The following PI4KB variants were observed in gnomAD, a reference collection of about 807,000 sequenced individuals.
PI4KB encodes the protein phosphatidylinositol 4-kinase beta.
Under a neutral mutation model 81.4 loss-of-function variants are expected in PI4KB, and 23 were observed. The ratio of observed to expected loss-of-function variants is 0.28; its 90% confidence interval spans 0.20 to 0.40. The LOEUF (loss-of-function observed/expected upper bound fraction) is 0.40. Among genes scored for constraint, PI4KB ranks in the 10% least tolerant of loss-of-function variants. The pLI, the probability that PI4KB is intolerant of heterozygous loss-of-function variation, is 1.00. For missense variants in PI4KB, 651 were observed against 1,036.6 expected (o/e 0.63, Z 5.11); for synonymous variants, 381 against 406.8 (o/e 0.94, Z 0.76).
intron 9 of PI4KB, 95 bp downstream of exon 9, chr1:151,298,713 G>A: frequency 1.6e-6 from 2 of 1,267,156 alleles, no homozygotes; most frequent in Admixed American, 1.9e-5. Context: ...TCACATCTTT[G>A]CCATGGAGGG....
chr1:151,308,432 A>G (rs936734888), intron 3 of PI4KB, among the ~76,000 whole-genome samples: 1 of 152,228 alleles, frequency 6.6e-6, no homozygotes, highest in Non-Finnish European at 1.5e-5. Flanking sequence ...CGATGAGCAG[A>G]CTTTGCATTA....
intron 1 of PI4KB, among the ~76,000 whole-genome samples, chr1:151,318,179 G>A (rs1464276224): frequency 2.6e-5 from 4 of 152,030 alleles, no homozygotes; most frequent in Non-Finnish European, 5.9e-5. Flanking sequence ...AGCACTTTGG[G>A]AGGCCGAGGT....
intron 1 of PI4KB, among the ~76,000 whole-genome samples, chr1:151,318,646 AGGTTGT>A (rs1361190112): frequency 1.3e-5 from 2 of 152,084 alleles, no homozygotes; most frequent in Non-Finnish European, 2.9e-5. Flanking sequence ...CGGGAGGCAG[AGGTTGT>A]GGTGAGCCGA....
At chr1:151,316,634 C>T (rs1182639406) in intron 1 of PI4KB, 125 bp from the exon 2 acceptor site, 1 of 597,896 alleles carries the variant, frequency 1.7e-6, no homozygotes, top group African/African-American at 1.9e-5. Flanking sequence ...TTTTGTCTTC[C>T]TGGACTCCTT....
chr1:151,315,547 G>A (rs371106099), intron 2 of PI4KB, 26 bp downstream of exon 2: 2 of 1,552,008 alleles, frequency 1.3e-6, no homozygotes, highest in African/African-American at 1.4e-5. Flanking sequence ...ACCACCTTTT[G>A]TCTCTGGCCC....
chr1:151,294,190 G>T, intron 10 of PI4KB, 52 bp from the exon 11 acceptor site: 1 of 1,577,582 alleles, frequency 6.3e-7, no homozygotes, highest in Non-Finnish European at 8.6e-7. Flanking sequence ...ACCGGGGATG[G>T]TCCCTGTCCT....
chr1:151,316,136 C>T lies in PI4KB; in HGVS notation c.346G>A (p.Ala116Thr). ...AAVASGTAKGARRRRQNNSAK... is the reference protein window; with the variant it reads ...AAVASGTAKGTRRRRQNNSAK... ...GAGTTGTTCTGCCGCCGTCTTCTTG[C>T]TCCTTTGGCTGTGCCTGAGGCCACA... Residue 116 changes from alanine (A) to threonine (T), a missense_variant, in exon 2 of 12, where the codon GCA becomes ACA. Physicochemically the swap from Ala to Thr is moderately conservative, Grantham distance 58. Around this residue, in one of 5 missense-constraint regions of PI4KB, gnomAD observed 314 missense variants for 397.8 expected, o/e 0.79. Coordinates refer to ENST00000368873, the MANE Select transcript of PI4KB (RefSeq NM_001369623.2). 1 of 1,614,098 alleles carries T rather than the reference C, an allele frequency of 6.2e-7. No individual in the cohort carries two copies. The highest frequency in any genetic ancestry group is 8.5e-7 in the Non-Finnish European group (1 of 1,180,000).
At chr1:151,306,633 A>C (rs1168071536) in intron 4 of PI4KB, among the ~76,000 whole-genome samples, 1 of 152,168 alleles carries the variant, frequency 6.6e-6, no homozygotes, top group Non-Finnish European at 1.5e-5. Context: ...AAACCACTCT[A>C]GACTATCAAT....
Position 151,307,612 on chromosome 1 carries a change from G to A in PI4KB, c.1144C>T (p.Pro382Ser). 1 of 1,614,048 alleles carries A rather than the reference G, an allele frequency of 6.2e-7. No individual in the cohort carries two copies. Among genetic ancestry groups the A allele is most frequent in the Non-Finnish European group, 8.5e-7 (1 of 1,179,942 alleles). The change falls in exon 4 of 12, where the codon CCC (proline) becomes TCC (serine). Residue 382 changes from proline to serine, a missense_variant. Transcript: ENST00000368873. ...AGFDHHVVRV[P>S]HTQAVVLNSK... is the part of the protein sequence containing the mutation. ...TTGAGGACAACAGCCTGTGTGTGGG[G>A]TACACGGACCACGTGGTGGTCAAAG...
intron 7 of PI4KB, 36 bp downstream of exon 7, chr1:151,302,158 C>T: frequency 6.4e-7 from 1 of 1,562,380 alleles, no homozygotes; most frequent in Non-Finnish European, 8.8e-7. Context: ...TGCCTCTGAG[C>T]TTTGAGAGGG....
chr1:151,296,568 T>A (rs2101911656), intron 9 of PI4KB, among the ~76,000 whole-genome samples: 1 of 151,790 alleles, frequency 6.6e-6, no homozygotes, highest in Middle Eastern at 3.4e-3. Context: ...CCTCCTGGGT[T>A]CAAGTGATTC....
intron 1 of PI4KB, among the ~76,000 whole-genome samples, chr1:151,326,606 G>C (rs1026868989): frequency 1.3e-5 from 2 of 152,166 alleles, no homozygotes; most frequent in Non-Finnish European, 2.9e-5. Flanking sequence ...AAGTTATAGG[G>C]ATCATAATGC....
At chr1:151,307,548 A>AG (rs1341661189) in intron 4 of PI4KB, 26 bp downstream of exon 4, 32 of 1,495,698 alleles carry the variant, frequency 2.1e-5, no homozygotes, top group Non-Finnish European at 3.0e-5. Context: ...CGTCCAGGGT[A>AG]GGGGTTTGGG....
At chr1:151,300,201 A>G (rs935584782) in intron 8 of PI4KB, among the ~76,000 whole-genome samples, 1 of 152,250 alleles carries the variant, frequency 6.6e-6, no homozygotes, top group Admixed American at 6.5e-5. Flanking sequence ...AGTGCCTTGT[A>G]TAAATAAATT....
chr1:151,309,813 G>A (rs1040775641), intron 3 of PI4KB, among the ~76,000 whole-genome samples: 1 of 152,130 alleles, frequency 6.6e-6, no homozygotes, highest in African/African-American at 2.4e-5. Flanking sequence ...ATAATCTGAC[G>A]GCAGAAGCCA....
chr1:151,317,574 G>C (rs1015500663), intron 1 of PI4KB, among the ~76,000 whole-genome samples: 3 of 151,438 alleles, frequency 2.0e-5, no homozygotes, highest in African/African-American at 7.3e-5. Flanking sequence ...CCTCAGCCTC[G>C]TAAAGTGTTG....
rs912078412 is a variant in PI4KB, at chr1:151,294,668, C to T, written c.2016-127G>A. 4.8e-5 allele frequency: 36 copies of T among 750,554 alleles called. No individual in the cohort carries two copies. The Middle Eastern group carries it at 4.5e-3, about 94-fold the overall frequency. The allele number at this position is 750,554 out of a possible 1,614,324, so 46.5% of individuals were successfully genotyped here. ...GTCCCCTGCCATGTTTCCTGCTGCC[C>T]GTAACTCCAATCTCCTGTCCAGTTT... On this transcript the variant is annotated intron_variant, in intron 9 of 11. Coordinates refer to ENST00000368873, the MANE Select transcript of PI4KB (RefSeq NM_001369623.2).
Position 151,306,376 on chromosome 1 carries a change from T to C in PI4KB, c.1183-13A>G. On this transcript the variant is annotated splice_polypyrimidine_tract_variant and intron_variant, in intron 4 of 11. Coordinates refer to ENST00000368873, the MANE Select transcript of PI4KB (RefSeq NM_001369623.2). The stretch of plus-strand genomic sequence containing the variant: ...TCAGGTAGGGAGCCTGGGGGAAGAG[T>C]GAGACAGTATTTGCAACTTACTTCC... The C allele has an allele frequency of 6.4e-7, 1 of 1,569,968 alleles. No homozygotes were observed. Among genetic ancestry groups the C allele is most frequent in the Non-Finnish European group, 8.8e-7 (1 of 1,140,212 alleles).
intron 2 of PI4KB, 109 bp from the exon 3 acceptor site, chr1:151,310,364 G>A (rs1250093776): frequency 4.2e-6 from 3 of 712,412 alleles, no homozygotes; most frequent in Admixed American, 2.5e-5. Flanking sequence ...CTTCTCTAGT[G>A]AAGTTCTACC....
Sources: allele counts gnomAD v4.1 joint callset (sites outside exome capture counted in the v4.1 genomes callset), GRCh38; gene constraint gnomAD v4.1.1; regional missense constraint gnomAD v4.1.1; transcripts MANE v1.5; gene names NCBI Gene and HGNC (gene_info 2026-07-23, HGNC 2026-07-21).